STK24: variants seen among roughly 807,000 people sequenced by gnomAD.
STK24 encodes the protein serine/threonine-protein kinase 24.
Under a neutral mutation model 55.6 loss-of-function variants are expected in STK24, and 21 were observed. The ratio of observed to expected loss-of-function variants is 0.38; its 90% CI spans 0.27 to 0.54. The LOEUF (loss-of-function observed/expected upper bound fraction) is 0.54, where lower values mean the gene tolerates loss of function less well. Ranked by LOEUF, STK24 falls within the 20% of genes least tolerant of loss-of-function variation. STK24 has a pLI of 0.79. For missense variants in STK24, 383 were observed against 538.4 expected (o/e 0.71, Z 2.86); for synonymous variants, 200 against 215.2 (o/e 0.93, Z 0.62).
chr13:98,448,151 C>T lies in STK24; in HGVS notation c.*5022G>A. 1.8e-5 allele frequency: 21 copies of T among 1,190,074 alleles called. No homozygotes were observed. Among genetic ancestry groups the T allele is most frequent in the Non-Finnish European group, 2.5e-5 (20 of 796,278 alleles). The allele number at this position is 1,190,074 out of a possible 1,614,324, so 73.7% of individuals were successfully genotyped here. A position where few individuals can be genotyped will look rare whatever the true frequency, so the allele number is the denominator to read the frequency against. On this transcript the variant is annotated 3_prime_UTR_variant, in exon 11 of 11. Coordinates refer to ENST00000539966, the MANE Select transcript of STK24 (RefSeq NM_001032296.4). The stretch of plus-strand genomic sequence containing the variant: ...TACCAACCAGGCGGCCTGACTTCAC[C>T]TTGTGTTTCTGTAAGCGATGCCCAC...
At chr13:98,502,590 G>T (rs566218917) in intron 2 of STK24, among the ~76,000 whole-genome samples, 1 of 152,260 alleles carries the variant, frequency 6.6e-6, no homozygotes, top group Non-Finnish European at 1.5e-5. Flanking sequence ...TCAGGAACAG[G>T]TTTGTTATCG....
rs1239494682 is a variant in STK24 at position 98,460,427 on chromosome 13, G to C, written c.1067C>G (p.Pro356Arg). The C allele has an allele frequency of 6.2e-7, 1 of 1,613,076 alleles. No homozygotes were observed. Among genetic ancestry groups the C allele is most frequent in the Non-Finnish European group, 8.5e-7 (1 of 1,179,314 alleles). Residue 356 changes from proline (P) to arginine (R), a missense_variant, in exon 9 of 11, where the codon CCG (proline) becomes CGG (arginine). By Grantham distance (103) the Pro-to-Arg change is moderately radical. Transcript: ENST00000539966. ...TAAACACTGAGAGAAAGGCCTCTTC[G>C]GGATGTCTTTCATCTTGGGGGAGAG... is the stretch of plus-strand genomic sequence containing the variant. ...DLDRNKMKDIPKRPFSQCLST... is the reference protein window; with the variant it reads ...DLDRNKMKDIRKRPFSQCLST...
At chr13:98,560,919 C>A (rs1324941931) in intron 1 of STK24, among the ~76,000 whole-genome samples, 2 of 148,938 alleles carry the variant, frequency 1.3e-5, no homozygotes, top group Non-Finnish European at 3.0e-5. Context: ...AAAAAAAAAA[C>A]CATAATTCAG....
intron 5 of STK24, among the ~76,000 whole-genome samples, chr13:98,467,663 G>C (rs1274376275): frequency 6.6e-6 from 1 of 152,122 alleles, no homozygotes; most frequent in Admixed American, 6.5e-5. Context: ...TGCAGAAGCC[G>C]TGTGGCCCCA....
intron 6 of STK24, among the ~76,000 whole-genome samples, chr13:98,465,924 A>C (rs1228784262): frequency 1.3e-5 from 2 of 152,254 alleles, no homozygotes; most frequent in South Asian, 2.1e-4. Flanking sequence ...GGAGGGGAAG[A>C]AGCACAGAGG....
intron 2 of STK24, among the ~76,000 whole-genome samples, chr13:98,495,411 T>A (rs924132283): frequency 7.2e-5 from 11 of 152,238 alleles, no homozygotes; most frequent in African/African-American, 2.4e-4. Context: ...TGTGTTTAGA[T>A]ACCCCAGACA....
At chr13:98,483,253 T>C (rs1265493707) in intron 2 of STK24, among the ~76,000 whole-genome samples, 6 of 152,156 alleles carry the variant, frequency 3.9e-5, no homozygotes, top group African/African-American at 7.2e-5. Context: ...GCCAAGAGCC[T>C]GGCCACGGCG....
chr13:98,480,844 C>G (rs1209288834), intron 3 of STK24, among the ~76,000 whole-genome samples: 2 of 152,254 alleles, frequency 1.3e-5, no homozygotes, highest in Non-Finnish European at 1.5e-5. Flanking sequence ...CCACTTCAGT[C>G]TCCCAAAAGT....
At chr13:98,517,038 A>G (rs1207805580) in intron 2 of STK24, among the ~76,000 whole-genome samples, 1 of 152,266 alleles carries the variant, frequency 6.6e-6, no homozygotes, top group East Asian at 1.9e-4. Context: ...AGCATGCAGT[A>G]AAGATCGTGC....
At position 98,450,637 on chromosome 13, in the gene STK24, T is replaced by C. The variant is rs974618584; in HGVS notation, c.*2536A>G. On this transcript the variant is annotated 3_prime_UTR_variant, in exon 11 of 11. Coordinates refer to ENST00000539966, the MANE Select transcript of STK24 (RefSeq NM_001032296.4). Reference sequence around the variant, plus strand: ...CTGAGTACCTCCCCAGGCTGCAGGCTCTGGGCAGCTGAGCCAGGAGCAGCT... The same window carrying C: ...CTGAGTACCTCCCCAGGCTGCAGGCCCTGGGCAGCTGAGCCAGGAGCAGCT... 3 of 152,176 alleles carry C rather than the reference T, an allele frequency of 2.0e-5. No homozygotes were observed. Among genetic ancestry groups the C allele is most frequent in the Non-Finnish European group, 4.4e-5 (3 of 68,050 alleles). The allele number at this position is 152,176 out of a possible 1,614,324, so 9.4% of individuals were successfully genotyped here. A position where few individuals can be genotyped will look rare whatever the true frequency, so the allele number is the denominator to read the frequency against.
chr13:98,535,367 AAAAATATATATAT>A (rs1896694139), intron 1 of STK24, among the ~76,000 whole-genome samples: 6 of 29,872 alleles, frequency 2.0e-4, no homozygotes, highest in African/African-American at 5.4e-4. Context: ...CAAACAAAAA[AAAAATATATATAT>A]ATATATATAT....
At chr13:98,495,913 C>A (rs1379297656) in intron 2 of STK24, among the ~76,000 whole-genome samples, 1 of 152,202 alleles carries the variant, frequency 6.6e-6, no homozygotes, top group Non-Finnish European at 1.5e-5. Flanking sequence ...CTCCATGGAC[C>A]ATTTCAATAT....
intron 2 of STK24, among the ~76,000 whole-genome samples, chr13:98,503,024 G>GTTTTGTTTTT (rs1555306357): frequency 1.9e-5 from 2 of 107,058 alleles, no homozygotes; most frequent in African/African-American, 8.0e-5. Flanking sequence ...CTTTCCATGT[G>GTTTTGTTTTT]TTTTTTTTTT....
At chr13:98,571,793 C>G (rs1246498884) in intron 1 of STK24, among the ~76,000 whole-genome samples, 21 of 152,118 alleles carry the variant, frequency 1.4e-4, no homozygotes, top group Non-Finnish European at 8.8e-5. Context: ...GTTCAAGCCA[C>G]GAAGCTGAGT....
At chr13:98,492,107 G>GTGTA (rs1895065731) in intron 2 of STK24, among the ~76,000 whole-genome samples, 1 of 138,350 alleles carries the variant, frequency 7.2e-6, no homozygotes, top group Admixed American at 7.3e-5. Context: ...GTGTGTGTGT[G>GTGTA]TGTAAACAAA....
At chr13:98,532,068 T>A (rs1426602209) in intron 1 of STK24, among the ~76,000 whole-genome samples, 6 of 152,120 alleles carry the variant, frequency 3.9e-5, no homozygotes, top group Non-Finnish European at 5.9e-5. Context: ...CCACCCCCCA[T>A]CAGCTTAGTT....
chr13:98,510,264 A>C (rs1895837720), intron 2 of STK24, among the ~76,000 whole-genome samples: 1 of 152,194 alleles, frequency 6.6e-6, no homozygotes, highest in Admixed American at 6.5e-5. Flanking sequence ...GCGTGAGCCC[A>C]TCCACCAGGT....
In STK24 at chr13:98,564,913, G is replaced by A. The variant is rs79466506; in HGVS notation, c.42+11832C>T. On this transcript the variant is annotated intron_variant, in intron 1 of 10. Coordinates refer to ENST00000539966, the MANE Select transcript of STK24 (RefSeq NM_001032296.4). ...AAGGTTCCAAGGTCAAAAAGACATG[G>A]AACACACATCCTCTGCCCCCAACAG... Among the ~76,000 whole-genome samples the A allele has an allele frequency of 3.8e-3, 585 of 152,252 alleles. 3 individuals are homozygous for A. The highest frequency in any genetic ancestry group is 4.8e-3 in the Non-Finnish European group (327 of 68,020).
At chr13:98,471,034 C>T (rs1894123893) in intron 5 of STK24, among the ~76,000 whole-genome samples, 1 of 152,166 alleles carries the variant, frequency 6.6e-6, no homozygotes, top group Admixed American at 6.5e-5. Context: ...CCAAAGTGGC[C>T]CAACATTACT....
Sources: gnomAD v4.1 joint callset for allele counts (sites outside exome capture counted in the v4.1 genomes callset) on GRCh38, gnomAD v4.1.1 for gene constraint, MANE v1.5 for transcripts, NCBI Gene and HGNC (gene_info 2026-07-23, HGNC 2026-07-21) for gene names.